The following CPO variants were observed in gnomAD, a reference collection of about 807,000 sequenced individuals.
CPO encodes the protein carboxypeptidase O.
In CPO, 43 loss-of-function variants were observed where a neutral mutation model predicts 41.2. The observed-to-expected ratio is 1.04, with a 90% confidence interval of 0.82 to 1.35. The LOEUF is 1.35. Among genes scored for constraint, CPO ranks in the 40% most tolerant of loss-of-function variants. CPO has a pLI of 0.00. For synonymous variants in CPO, 178 were observed against 162.7 expected (o/e 1.09, Z -0.72); for missense variants, 408 against 451.7 (o/e 0.90, Z 0.88).
In CPO at chr2:206,959,634, C is replaced by G. The variant is rs748291314; in HGVS notation, c.376C>G (p.Leu126Val). Residue 126 changes from leucine (L) to valine (V), a missense_variant, in exon 5 of 9, where the codon CTA (leucine) becomes GTA (valine). Transcript: ENST00000272852. ...AFCQWFVKEILQNHKDNSSIR... is the reference protein window; with the variant it reads ...AFCQWFVKEIVQNHKDNSSIR... Reference sequence around the variant, plus strand: ...CATTTCTTTCTTAAATTTCCAGATTCTACAAAACCATAAAGACAACTCAAG... The same window carrying G: ...CATTTCTTTCTTAAATTTCCAGATTGTACAAAACCATAAAGACAACTCAAG... 1 of 1,339,558 alleles carries G rather than the reference C, an allele frequency of 7.5e-7. No homozygotes were observed. Among genetic ancestry groups the G allele is most frequent in the Non-Finnish European group, 1.1e-6 (1 of 934,272 alleles). The allele number at this position is 1,339,558 out of a possible 1,614,324, so 83.0% of individuals were successfully genotyped here. A position where few individuals can be genotyped will look rare whatever the true frequency, so the allele number is the denominator to read the frequency against.
intron 2 of CPO, among the ~76,000 whole-genome samples, chr2:206,954,035 C>T (rs1006116726): frequency 6.6e-6 from 1 of 152,110 alleles, no homozygotes; most frequent in Non-Finnish European, 1.5e-5. Context: ...ACAAGGGGGC[C>T]CTGAATCCAG....
At chr2:206,946,101 T>C (rs774905478) in intron 1 of CPO, among the ~76,000 whole-genome samples, 1 of 152,004 alleles carries the variant, frequency 6.6e-6, no homozygotes, top group Admixed American at 6.6e-5. Flanking sequence ...CTTCCAGAAA[T>C]AGAAGCAGAG....
chr2:206,957,857 A>T (rs73053209), intron 3 of CPO, among the ~76,000 whole-genome samples: 1 of 152,294 alleles, frequency 6.6e-6, no homozygotes, highest in African/African-American at 2.4e-5. Context: ...AAGAATTTTG[A>T]GTGGAGATTG....
chr2:206,956,477 C>T (rs778983139), intron 3 of CPO, among the ~76,000 whole-genome samples: 7 of 152,226 alleles, frequency 4.6e-5, no homozygotes, highest in Admixed American at 1.3e-4. Context: ...CTCTCAGGTC[C>T]CTGCAAAGGT....
intron 2 of CPO, among the ~76,000 whole-genome samples, chr2:206,949,928 T>G (rs1005408253): frequency 2.6e-5 from 4 of 152,100 alleles, no homozygotes; most frequent in Admixed American, 2.6e-4. Context: ...TTTAAAAAAT[T>G]AATAACAAAA....
At chr2:206,958,742 T>TG (rs1693421385) in intron 4 of CPO, among the ~76,000 whole-genome samples, 1 of 143,548 alleles carries the variant, frequency 7.0e-6, no homozygotes, top group Non-Finnish European at 1.5e-5. Flanking sequence ...TTTTTTTTTT[T>TG]TTTTTTTTTT....
rs1693502343 is a variant in CPO, at chr2:206,962,595, C to T, written c.758C>T (p.Ser253Leu). 6.2e-7 allele frequency: 1 copy of T among 1,614,028 alleles called. No homozygotes were observed. Among genetic ancestry groups the T allele is most frequent in the Non-Finnish European group, 8.5e-7 (1 of 1,179,936 alleles). ...CCTTACGGCTACACCAAAAATAAATCAAGTAACCACCCAGAAATGGTGAGT... is the reference window on the plus strand; with the variant it reads ...CCTTACGGCTACACCAAAAATAAATTAAGTAACCACCCAGAAATGGTGAGT... ...LTPYGYTKNK[S>L]SNHPEMIQVG... is the part of the protein sequence containing the mutation. Residue 253 changes from serine to leucine, a missense_variant, in exon 7 of 9, where the codon TCA becomes TTA. Ser to Leu is a moderately radical substitution (Grantham distance 145, BLOSUM62 -2). Transcript: ENST00000272852.
intron 1 of CPO, among the ~76,000 whole-genome samples, chr2:206,948,880 T>G (rs865829167): frequency 3.3e-5 from 5 of 152,136 alleles, no homozygotes; most frequent in Admixed American, 6.6e-5. Flanking sequence ...GGACTTTGGG[T>G]GATAATGATG....
chr2:206,961,001 G>C, intron 6 of CPO, 59 bp downstream of exon 6: 1 of 1,141,152 alleles, frequency 8.8e-7, no homozygotes, highest in Non-Finnish European at 1.3e-6. Flanking sequence ...TAAGAAAAGA[G>C]GTGAATTACT....
chr2:206,966,225 G>A (rs1279049835), intron 7 of CPO, among the ~76,000 whole-genome samples: 1 of 145,478 alleles, frequency 6.9e-6, no homozygotes, highest in African/African-American at 2.5e-5. Context: ...TGTTGTCTAG[G>A]GCAAGCTGCA....
At chr2:206,958,993 G>T (rs540076866) in intron 4 of CPO, among the ~76,000 whole-genome samples, 2 of 151,286 alleles carry the variant, frequency 1.3e-5, no homozygotes, top group African/African-American at 4.9e-5. Flanking sequence ...CACCTACCTC[G>T]GTCTCCCAAA....
chr2:206,943,055 G>T (rs1018634281), intron 1 of CPO, among the ~76,000 whole-genome samples: 1 of 152,110 alleles, frequency 6.6e-6, no homozygotes, highest in Admixed American at 6.6e-5. Context: ...AGGGTGTTAG[G>T]TTATCTTTAT....
intron 7 of CPO, among the ~76,000 whole-genome samples, chr2:206,966,392 G>A (rs960761711): frequency 1.3e-5 from 2 of 151,978 alleles, no homozygotes; most frequent in African/African-American, 4.8e-5. Flanking sequence ...AAAGCAATTC[G>A]TATCTCTGCT....
chr2:206,947,251 T>A lies in CPO; in HGVS notation c.69-2366T>A, dbSNP rs1693162441. Among the ~76,000 whole-genome samples, 8 of 152,134 alleles carry A rather than the reference T, an allele frequency of 5.3e-5. 1 individual carries two copies. In the South Asian group the frequency reaches 1.5e-3, roughly 28 times the overall value. On this transcript the variant is annotated intron_variant, in intron 1 of 8. Coordinates refer to ENST00000272852, the MANE Select transcript of CPO (RefSeq NM_173077.3). ...ATAAATCAAAGGGAGAAAATAGGGA[T>A]CCCATAAATAAACCTACATAAATAT...
At chr2:206,951,225 A>G (rs1411264285) in intron 2 of CPO, among the ~76,000 whole-genome samples, 1 of 152,224 alleles carries the variant, frequency 6.6e-6, no homozygotes, top group African/African-American at 2.4e-5. Flanking sequence ...ATATTATTTA[A>G]TGCTTTACAA....
At chr2:206,948,417 G>T (rs1466277854) in intron 1 of CPO, among the ~76,000 whole-genome samples, 1 of 152,196 alleles carries the variant, frequency 6.6e-6, no homozygotes, top group Non-Finnish European at 1.5e-5. Flanking sequence ...GTTGCCAGGG[G>T]TTAGGGAAAG....
At chr2:206,945,800 G>T (rs1693132819) in intron 1 of CPO, among the ~76,000 whole-genome samples, 2 of 151,996 alleles carry the variant, frequency 1.3e-5, no homozygotes, top group African/African-American at 2.4e-5. Flanking sequence ...GCCAGGCATG[G>T]TGGCACATGC....
chr2:206,969,323 C>T lies in CPO; in HGVS notation c.1012C>T (p.Leu338=). Reference sequence around the variant, plus strand: ...CTGTGAGGAGACCATGGAGGCTGTGCTGTCAGTCCTGGATGATGTGTATGC... The same window carrying T: ...CTGTGAGGAGACCATGGAGGCTGTGTTGTCAGTCCTGGATGATGTGTATGC... ...PTCEETMEAV[L]SVLDDVYAKH... The change falls in exon 9 of 9, where the codon CTG becomes TTG. Residue 338 remains leucine (L), a synonymous_variant. Coordinates refer to ENST00000272852, the MANE Select transcript of CPO (RefSeq NM_173077.3). 1.9e-6 allele frequency: 3 copies of T among 1,614,086 alleles called. No homozygotes were observed. The highest frequency in any genetic ancestry group is 2.5e-6 in the Non-Finnish European group (3 of 1,180,006).
chr2:206,958,343 G>A lies in CPO; in HGVS notation c.310G>A (p.Asp104Asn), dbSNP rs752133977. ...TAATCCCAAGAAAATCATTTGGATG[G>A]ACTGTGGAATTCACGCCAGAGAATG... The part of the protein sequence containing the change: ...SGNPKKIIWM[D>N]CGIHAREWIA... The change falls in exon 4 of 9, where the codon GAC becomes AAC. Residue 104 changes from aspartate to asparagine, a missense_variant. Coordinates refer to ENST00000272852, the MANE Select transcript of CPO (RefSeq NM_173077.3). 7.5e-6 allele frequency: 12 copies of A among 1,601,360 alleles called. No homozygotes were observed. Among genetic ancestry groups the A allele is most frequent in the Non-Finnish European group, 1.0e-5 (12 of 1,174,172 alleles).
Sources: gnomAD v4.1 joint callset for allele counts (sites outside exome capture counted in the v4.1 genomes callset) on GRCh38, gnomAD v4.1.1 for gene constraint, MANE v1.5 for transcripts, NCBI Gene and HGNC (gene_info 2026-07-23, HGNC 2026-07-21) for gene names.